Variants in TYK2 observed in about 807,000 individuals in gnomAD.
The protein encoded by TYK2 is non-receptor tyrosine-protein kinase TYK2.
A neutral mutation model predicts 130.9 loss-of-function variants in TYK2; 65 were observed. That is an observed-to-expected ratio of 0.50 (90% confidence interval 0.41 to 0.61). The LOEUF (loss-of-function observed/expected upper bound fraction) is 0.61, where lower values mean the gene tolerates loss of function less well. Ranked by LOEUF, TYK2 falls within the 20% of genes least tolerant of loss-of-function variation. The pLI is 0.00. For missense variants in TYK2, 1,378 were observed against 1,610.7 expected (o/e 0.86, Z 2.47); for synonymous variants, 647 against 658.9 (o/e 0.98, Z 0.28).
rs1181207385 is a variant in TYK2 at position 10,380,453 on chromosome 19, CGGCTT to C, written c.-264_-260del. 1 of 152,708 alleles carries C rather than the reference CGGCTT, an allele frequency of 6.5e-6. No homozygotes were observed. Among genetic ancestry groups the C allele is most frequent in the Non-Finnish European group, 1.5e-5 (1 of 68,272 alleles). 9.5% of individuals were successfully genotyped at this position (152,708 alleles called of 1,614,324 possible). ...GCCTGTCAAGCGCAGCCAGTCCCCGCGGCTTCTTCCTGAGGACCTCCGGCCGCGCT... is the reference window on the plus strand; with the variant it reads ...GCCTGTCAAGCGCAGCCAGTCCCCGCCTTCCTGAGGACCTCCGGCCGCGCT... On this transcript the variant is annotated 5_prime_UTR_variant, in exon 1 of 25. Transcript: ENST00000525621.
chr19:10,364,280 G>A lies in TYK2; in HGVS notation c.1367+334C>T, dbSNP rs903132612. 4.6e-5 allele frequency among the ~76,000 whole-genome samples: 7 copies of A among 152,152 alleles called. No homozygotes were observed. Among genetic ancestry groups the A allele is most frequent in the African/African-American group, 1.7e-4 (7 of 41,436 alleles). ...AATACCAGCACTTTGGGAGGCCGAG[G>A]CGGGTGGATCACCTGAGGTCAGGAG... is the stretch of plus-strand genomic sequence containing the variant. On this transcript the variant is annotated intron_variant, in intron 9 of 24. Coordinates refer to ENST00000525621, the MANE Select transcript of TYK2 (RefSeq NM_003331.5). This position sits in a 1 kb window ranked among gnomAD's most constrained non-coding sequence, Gnocchi z 4.9.
chr19:10,353,792 C>T lies in TYK2; in HGVS notation c.2909-146G>A. On this transcript the variant is annotated intron_variant, in intron 20 of 24. Transcript: ENST00000525621. This position sits in a 1 kb window ranked among gnomAD's most constrained non-coding sequence, Gnocchi z 6.9. Reference sequence around the variant, plus strand: ...GACCCAGTTCTCAGGTGGGATGGACCCATCCAGAACCCCATTCTCACTTGA... The same window carrying T: ...GACCCAGTTCTCAGGTGGGATGGACTCATCCAGAACCCCATTCTCACTTGA... The T allele has an allele frequency of 5.9e-6, 4 of 682,502 alleles. No homozygotes were observed. The highest frequency in any genetic ancestry group is 9.7e-6 in the Non-Finnish European group (4 of 410,260). The allele number at this position is 682,502 out of a possible 1,614,324, so 42.3% of individuals were successfully genotyped here. A position where few individuals can be genotyped will look rare whatever the true frequency, so the allele number is the denominator to read the frequency against.
rs12720301 is a variant in TYK2, at chr19:10,357,514, G to C, written c.2466+250C>G. The C allele has an allele frequency of 1.1e-3, 765 of 711,484 alleles. 1 individual carries two copies. Among genetic ancestry groups the C allele is most frequent in the Middle Eastern group, 4.6e-3 (20 of 4,388 alleles). The allele number at this position is 711,484 out of a possible 1,614,324, so 44.1% of individuals were successfully genotyped here. A position where few individuals can be genotyped will look rare whatever the true frequency, so the allele number is the denominator to read the frequency against. The stretch of plus-strand genomic sequence containing the variant: ...CCTGGGCGTCTCCCATCGCTGCCCT[G>C]GTCACTCTGCCTAAAACTGAAATCA... On this transcript the variant is annotated intron_variant, in intron 17 of 24. Transcript: ENST00000525621.
intron 3 of TYK2, among the ~76,000 whole-genome samples, chr19:10,373,041 T>A (rs1328128277): frequency 3.4e-5 from 5 of 147,034 alleles, no homozygotes; most frequent in African/African-American, 7.4e-5. Flanking sequence ...TTTTTTGTAT[T>A]TTTTTTTTTT....
At chr19:10,373,553 A>C (rs1599362980) in intron 3 of TYK2, among the ~76,000 whole-genome samples, 1 of 150,698 alleles carries the variant, frequency 6.6e-6, no homozygotes, top group East Asian at 2.0e-4. Flanking sequence ...CTGGTCTCAA[A>C]CTCCTAACCT....
At chr19:10,360,675 T>C (rs2041355827) in intron 14 of TYK2, among the ~76,000 whole-genome samples, 1 of 143,876 alleles carries the variant, frequency 7.0e-6, no homozygotes, top group Non-Finnish European at 1.5e-5. Flanking sequence ...GTGGGGGAGA[T>C]GCACACACAC....
chr19:10,362,687 C>A (rs1165412944), intron 9 of TYK2, 30 bp from the exon 10 acceptor site: 3 of 1,533,474 alleles, frequency 2.0e-6, no homozygotes, highest in Admixed American at 3.9e-5. Flanking sequence ...GACTATCAGG[C>A]CACCTGGGGC....
At chr19:10,376,394 A>G (rs1490199191) in intron 3 of TYK2, among the ~76,000 whole-genome samples, 1 of 128,134 alleles carries the variant, frequency 7.8e-6, no homozygotes, top group African/African-American at 3.2e-5. Flanking sequence ...TGCAACCTCC[A>G]TGTCCCAGGT....
chr19:10,354,703 G>T, intron 18 of TYK2, 94 bp from the exon 19 acceptor site: 1 of 1,038,226 alleles, frequency 9.6e-7, no homozygotes, highest in Non-Finnish European at 1.5e-6. Flanking sequence ...GCTACCCCAG[G>T]ATCCGATTCT....
At chr19:10,377,622 G>A (rs1048031870) in intron 3 of TYK2, among the ~76,000 whole-genome samples, 1 of 105,016 alleles carries the variant, frequency 9.5e-6, no homozygotes, top group African/African-American at 3.8e-5. Flanking sequence ...ATGGATGGGT[G>A]GATGGGTGGG....
In TYK2 at chr19:10,353,037, AG is replaced by A; in HGVS notation, c.3088del (p.Leu1030CysfsTer15). 1 of 1,596,176 alleles carries A rather than the reference AG, an allele frequency of 6.3e-7. No individual in the cohort carries two copies. The highest frequency in any genetic ancestry group is 8.5e-7 in the Non-Finnish European group (1 of 1,170,840). On this transcript the variant is annotated frameshift_variant, in exon 22 of 25. Transcript: ENST00000525621. LOFTEE classifies it high-confidence loss of function. This position sits in a 1 kb window ranked among gnomAD's most constrained non-coding sequence, Gnocchi z 6.9. Reference protein sequence around the residue: ...IHRDLAARNVLLDNDRLVKIG... With the variant: ...IHRDLAARNVXLDNDRLVKIG... ...CTTGACCAGCCTGTCGTTGTCCAGC[AG>A]CACGTTGCGCGCGGCTAGGTCTCGG...
intron 3 of TYK2, among the ~76,000 whole-genome samples, chr19:10,372,352 G>C (rs1487718498): frequency 2.8e-5 from 4 of 142,404 alleles, no homozygotes. Flanking sequence ...GGAATACAGT[G>C]GTGCAATCAT....
At chr19:10,352,394 T>G in intron 23 of TYK2, 40 bp downstream of exon 23, 1 of 1,371,400 alleles carries the variant, frequency 7.3e-7, no homozygotes, top group Middle Eastern at 2.0e-4. Context: ...TTCTAATTGC[T>G]CTAGCAAACT....
chr19:10,372,763 T>C (rs1289202984), intron 3 of TYK2, among the ~76,000 whole-genome samples: 1 of 151,900 alleles, frequency 6.6e-6, no homozygotes, highest in Non-Finnish European at 1.5e-5. Context: ...ACTGCTGGGA[T>C]TGCAGGCGTG....
intron 2 of TYK2, among the ~76,000 whole-genome samples, chr19:10,379,399 A>T (rs970252090): frequency 1.7e-4 from 26 of 150,644 alleles, no homozygotes; most frequent in Admixed American, 2.6e-4. Flanking sequence ...GCGGTGGCTC[A>T]TGACTGTAAT....
chr19:10,361,761 C>T lies in TYK2; in HGVS notation c.1959+9G>A, dbSNP rs756452186. On this transcript the variant is annotated intron_variant, in intron 13 of 24. Transcript: ENST00000525621. This position sits in a 1 kb window ranked among gnomAD's most constrained non-coding sequence, Gnocchi z 4.0. ...AGACACACCCCCAGGCCTGGCCCTG[C>T]CCACTCACCAGGGCGATGTCATGGT... 16 of 1,612,692 alleles carry T rather than the reference C, an allele frequency of 9.9e-6. No individual in the cohort carries two copies. The African/African-American group carries it at 2.1e-4, about 22-fold the overall frequency.
rs1397431792 is a variant in TYK2, at chr19:10,362,591, G to A, written c.1434C>T (p.Ser478=). 3 of 1,553,754 alleles carry A rather than the reference G, an allele frequency of 1.9e-6. No homozygotes were observed. Among genetic ancestry groups the A allele is most frequent in the Middle Eastern group, 1.7e-4 (1 of 6,018 alleles). The part of the protein sequence containing the change: ...DGLYLIHWST[S]HPYRLILTVA... The stretch of plus-strand genomic sequence containing the variant: ...CTGTGAGGATCAGGCGGTAGGGGTG[G>A]CTGGTGCTCCAGTGAATGAGGTACA... The change falls in exon 10 of 25, where the codon AGC becomes AGT. Residue 478 remains serine (S), a synonymous_variant. Transcript: ENST00000525621.
intron 15 of TYK2, among the ~76,000 whole-genome samples, chr19:10,358,392 C>T (rs1350914316): frequency 6.7e-6 from 1 of 148,534 alleles, no homozygotes; most frequent in Non-Finnish European, 1.5e-5. Flanking sequence ...CTTCAAACTC[C>T]TGGGCTCAAG....
At chr19:10,379,003 C>T (rs141723742) in intron 2 of TYK2, among the ~76,000 whole-genome samples, 11 of 152,102 alleles carry the variant, frequency 7.2e-5, no homozygotes, top group Non-Finnish European at 1.3e-4. Context: ...GAGTAGCTGG[C>T]GCCTGCCACC....
Sources: allele counts gnomAD v4.1 joint callset (sites outside exome capture counted in the v4.1 genomes callset), GRCh38; gene constraint gnomAD v4.1.1; non-coding constraint Gnocchi (gnomAD v3.1); transcripts MANE v1.5; gene names NCBI Gene and HGNC (gene_info 2026-07-23, HGNC 2026-07-21).